The following ITGB1 variants were observed in gnomAD, a reference collection of about 807,000 sequenced individuals.
ITGB1 encodes the protein integrin subunit beta 1, also known as integrin beta-1.
Under a neutral mutation model 86.5 loss-of-function variants are expected in ITGB1, and 24 were observed. The ratio of observed to expected loss-of-function variants is 0.28; its 90% confidence interval spans 0.20 to 0.39. The LOEUF (loss-of-function observed/expected upper bound fraction) is 0.39, where lower values mean the gene tolerates loss of function less well. ITGB1 is among the 10% of genes least tolerant of loss of function. ITGB1 has a pLI of 1.00. For missense variants in ITGB1, 556 were observed against 946.9 expected (o/e 0.59, Z 5.42); for synonymous variants, 323 against 316.8 (o/e 1.02, Z -0.21).
intron 1 of ITGB1, among the ~76,000 whole-genome samples, chr10:32,936,466 G>A (rs532499033): frequency 5.9e-5 from 9 of 151,970 alleles, no homozygotes; most frequent in Admixed American, 2.6e-4. Flanking sequence ...CAACTTCTAT[G>A]CATGCAATAA....
At chr10:32,920,507 C>T (rs2094946017) in intron 9 of ITGB1, 122 bp from the exon 10 acceptor site, 1 of 774,966 alleles carries the variant, frequency 1.3e-6, no homozygotes, top group Non-Finnish European at 2.0e-6. Flanking sequence ...AAGCCAAATC[C>T]AATTGAGTAA....
intron 15 of ITGB1, among the ~76,000 whole-genome samples, chr10:32,907,431 G>A (rs778885218): frequency 1.1e-3 from 170 of 152,240 alleles, no homozygotes; most frequent in Non-Finnish European, 1.8e-3. Flanking sequence ...ATATTTCAAA[G>A]CACTCAATGC....
intron 15 of ITGB1, chr10:32,907,171 ATTTCATC>A (rs1282337201): frequency 3.0e-6 from 3 of 998,442 alleles, no homozygotes; most frequent in Admixed American, 2.1e-5. Flanking sequence ...GTTTCTAATG[ATTTCATC>A]AGAAAAAAAA....
intron 15 of ITGB1, among the ~76,000 whole-genome samples, chr10:32,906,835 T>C (rs2094897869): frequency 1.3e-5 from 2 of 152,332 alleles, no homozygotes; most frequent in East Asian, 1.9e-4. Context: ...GTCTAACTGA[T>C]TGCAAAGCAC....
In ITGB1 at chr10:32,922,751, A is replaced by C. The variant is rs746659063; in HGVS notation, c.943-16T>G. On this transcript the variant is annotated splice_polypyrimidine_tract_variant and intron_variant, in intron 7 of 15. Coordinates refer to ENST00000302278, the MANE Select transcript of ITGB1 (RefSeq NM_002211.4). ...AAGGATAATCCTAAGAAATCAAGTA[A>C]TATAATTTAGTATTTAAATACACCC... The C allele has an allele frequency of 4.2e-6, 6 of 1,428,088 alleles. No individual in the cohort carries two copies. In the Admixed American group the frequency reaches 1.1e-4, roughly 25 times the overall value. 88.5% of individuals were successfully genotyped at this position (1,428,088 alleles called of 1,614,324 possible).
intron 1 of ITGB1, among the ~76,000 whole-genome samples, chr10:32,942,562 T>C (rs989736390): frequency 6.6e-6 from 1 of 152,212 alleles, no homozygotes; most frequent in African/African-American, 2.4e-5. Context: ...ACAAAGTCCA[T>C]GCTCAAAACT....
In ITGB1 at chr10:32,948,971, GAA is replaced by G. The variant is rs71299726; in HGVS notation, c.-1+9172_-1+9173del. On this transcript the variant is annotated intron_variant, in intron 1 of 15. Coordinates refer to ENST00000302278, the MANE Select transcript of ITGB1 (RefSeq NM_002211.4). ...GGACTGCTGCTCACTGTGGATTACT[GAA>G]AAAAAAAAAAAGACTGACTTCTCAA... Among the ~76,000 whole-genome samples, 4 of 121,396 alleles carry G rather than the reference GAA, an allele frequency of 3.3e-5. 1 individual carries two copies. The highest frequency in any genetic ancestry group is 3.6e-5 in the Non-Finnish European group (2 of 56,178). 79.6% of individuals were successfully genotyped at this position (121,396 alleles called of 152,430 possible).
chr10:32,912,110 C>A lies in ITGB1; in HGVS notation c.1484G>T (p.Arg495Leu), dbSNP rs1376107293. ...ECGACRCNEG[R>L]VGRHCECSTD... ...GCTGCATTCACAATGTCTACCAACACGCCCTTCATTGCACCTGAAGAAACA... is the reference window on the plus strand; with the variant it reads ...GCTGCATTCACAATGTCTACCAACAAGCCCTTCATTGCACCTGAAGAAACA... The change falls in exon 12 of 16, where the codon CGT (arginine) becomes CTT (leucine). Residue 495 changes from arginine (R) to leucine (L), a missense_variant. Around this residue, in one of 4 missense-constraint regions of ITGB1, gnomAD observed 330 missense variants for 531.5 expected, o/e 0.62. Coordinates refer to ENST00000302278, the MANE Select transcript of ITGB1 (RefSeq NM_002211.4). 1 of 1,612,344 alleles carries A rather than the reference C, an allele frequency of 6.2e-7. No homozygotes were observed. Among genetic ancestry groups the A allele is most frequent in the Admixed American group, 1.7e-5 (1 of 59,802 alleles).
intron 1 of ITGB1, among the ~76,000 whole-genome samples, chr10:32,942,696 T>G (rs1426230436): frequency 1.0e-4 from 15 of 144,450 alleles, no homozygotes; most frequent in East Asian, 2.1e-4. Context: ...TTTTTTTTTT[T>G]TGGGGGGAGA....
Position 32,922,619 on chromosome 10 carries a change from CTTTTT to C in ITGB1, c.1038+16_1038+20del. 7.2e-7 allele frequency: 1 copy of C among 1,392,566 alleles called. No individual in the cohort carries two copies. The highest frequency in any genetic ancestry group is 1.2e-5 in the South Asian group (1 of 81,668). 86.3% of individuals were successfully genotyped at this position (1,392,566 alleles called of 1,614,324 possible). A position where few individuals can be genotyped will look rare whatever the true frequency, so the allele number is the denominator to read the frequency against. On this transcript the variant is annotated intron_variant, in intron 8 of 15. Coordinates refer to ENST00000302278, the MANE Select transcript of ITGB1 (RefSeq NM_002211.4). ...AATCAAAAATGTTTAGAATCTTGTT[CTTTTT>C]ATCTCACACATTTACCTTGTAAACA...
At chr10:32,914,375 G>A (rs2094924832) in intron 11 of ITGB1, among the ~76,000 whole-genome samples, 1 of 152,076 alleles carries the variant, frequency 6.6e-6, no homozygotes, top group African/African-American at 2.4e-5. Context: ...CTGGCAAATT[G>A]GATAAAGAGT....
chr10:32,903,411 G>T (rs1358096193), intron 15 of ITGB1, among the ~76,000 whole-genome samples: 1 of 151,124 alleles, frequency 6.6e-6, no homozygotes, highest in African/African-American at 2.4e-5. Flanking sequence ...ATGATTGGAG[G>T]TGAGGAGACA....
At chr10:32,946,652 C>A (rs981353590) in intron 1 of ITGB1, among the ~76,000 whole-genome samples, 6 of 146,546 alleles carry the variant, frequency 4.1e-5, no homozygotes, top group Non-Finnish European at 8.9e-5. Context: ...TGAAACAAGG[C>A]CTTGTATAAG....
At chr10:32,910,085 A>C in intron 14 of ITGB1, 138 bp downstream of exon 14, 2 of 633,216 alleles carry the variant, frequency 3.2e-6, no homozygotes, top group East Asian at 5.5e-5. Context: ...ATAATATTTT[A>C]AGCTTTGAGA....
intron 1 of ITGB1, among the ~76,000 whole-genome samples, chr10:32,957,325 T>C (rs2137276553): frequency 6.6e-6 from 1 of 152,330 alleles, no homozygotes; most frequent in East Asian, 1.9e-4. Context: ...ATCCAATTTA[T>C]GAAGCCTAAG....
intron 15 of ITGB1, 53 bp downstream of exon 15, chr10:32,908,315 G>C (rs955186971): frequency 6.7e-7 from 1 of 1,482,264 alleles, no homozygotes; most frequent in South Asian, 1.1e-5. Flanking sequence ...AGTCTTAGGA[G>C]TATTACATTT....
intron 15 of ITGB1, among the ~76,000 whole-genome samples, chr10:32,905,177 T>C (rs773538956): frequency 3.3e-5 from 5 of 152,174 alleles, no homozygotes; most frequent in Non-Finnish European, 7.3e-5. Flanking sequence ...AACCTGCCCA[T>C]ATGTGAATTT....
At chr10:32,908,573 CT>C (rs2094903715) in intron 14 of ITGB1, 39 bp from the exon 15 acceptor site, 1 of 1,573,454 alleles carries the variant, frequency 6.4e-7, no homozygotes, top group Non-Finnish European at 8.7e-7. Context: ...CCACAAAGAG[CT>C]GTGCAGTGTC....
At chr10:32,950,805 G>A (rs1490520292) in intron 1 of ITGB1, among the ~76,000 whole-genome samples, 1 of 152,124 alleles carries the variant, frequency 6.6e-6, no homozygotes, top group African/African-American at 2.4e-5. Context: ...CTGCTCCAAA[G>A]CTATAGGTTC....
Sources: gnomAD v4.1 joint callset for allele counts (sites outside exome capture counted in the v4.1 genomes callset) on GRCh38, gnomAD v4.1.1 for gene constraint, gnomAD v4.1.1 regional missense constraint, MANE v1.5 for transcripts, NCBI Gene and HGNC (gene_info 2026-07-23, HGNC 2026-07-21) for gene names.